Variants in A2ML1 observed in about 807,000 individuals in gnomAD.
The protein encoded by A2ML1 is alpha-2-macroglobulin-like protein 1.
Under a neutral mutation model 181.9 loss-of-function variants are expected in A2ML1, and 161 were observed. That is an observed-to-expected ratio of 0.89 (90% CI 0.78 to 1.01). The LOEUF (loss-of-function observed/expected upper bound fraction) is 1.01, where lower values mean the gene tolerates loss of function less well. Among genes scored for constraint, A2ML1 ranks in the 50% least tolerant of loss-of-function variants. The pLI is 0.00. For synonymous variants in A2ML1, 663 were observed against 666.8 expected (o/e 0.99, Z 0.09); for missense variants, 1,670 against 1,768.1 (o/e 0.94, Z 1.00).
intron 10 of A2ML1, among the ~76,000 whole-genome samples, chr12:8,841,017 A>AG (rs1434161298): frequency 7.1e-5 from 1 of 14,040 alleles, no homozygotes; most frequent in Non-Finnish European, 3.1e-4. Flanking sequence ...GAAGGACGGA[A>AG]GGAAGGAAGG....
At chr12:8,866,724 A>G (rs985048340) in intron 29 of A2ML1, among the ~76,000 whole-genome samples, 9 of 152,252 alleles carry the variant, frequency 5.9e-5, no homozygotes, top group South Asian at 2.1e-4. Context: ...GAAGCTGCAC[A>G]GATAGAACTT....
rs375930372 is a variant in A2ML1, at chr12:8,858,142, C to T, written c.3264+40C>T. 64 of 1,597,918 alleles carry T rather than the reference C, an allele frequency of 4.0e-5. 1 individual carries two copies. The highest frequency in any genetic ancestry group is 5.0e-5 in the Non-Finnish European group (58 of 1,171,130). On this transcript the variant is annotated intron_variant, in intron 26 of 35. Coordinates refer to ENST00000299698, the MANE Select transcript of A2ML1 (RefSeq NM_144670.6). ...AGGAGCCTGCAGCCAACCACTGTCT[C>T]GAAGGACCCCACACCTCTGACCGAG...
intron 3 of A2ML1, among the ~76,000 whole-genome samples, chr12:8,825,897 A>C (rs1472958077): frequency 2.0e-5 from 3 of 152,060 alleles, no homozygotes; most frequent in African/African-American, 7.2e-5. Flanking sequence ...GTCAAAAATG[A>C]GTTCACCCTA....
rs530549607 is a variant in A2ML1 at position 8,857,885 on chromosome 12, A to G, written c.3108-61A>G. 2.3e-5 allele frequency: 37 copies of G among 1,584,380 alleles called. 1 individual carries two copies. In the African/African-American group the frequency reaches 3.2e-4, roughly 14 times the overall value. On this transcript the variant is annotated intron_variant, in intron 25 of 35. Coordinates refer to ENST00000299698, the MANE Select transcript of A2ML1 (RefSeq NM_144670.6). ...AGTATACACCCAAATAAATGAAGAA[A>G]TGATTGCACCCTCACCTGGAAATTC...
intron 28 of A2ML1, among the ~76,000 whole-genome samples, chr12:8,863,471 C>G (rs2136941649): frequency 6.6e-6 from 1 of 152,080 alleles, no homozygotes; most frequent in East Asian, 1.9e-4. Flanking sequence ...AAAAATTGCC[C>G]CCAAACACAG....
chr12:8,830,240 C>T (rs1943067684), intron 4 of A2ML1, among the ~76,000 whole-genome samples: 1 of 151,876 alleles, frequency 6.6e-6, no homozygotes, highest in Admixed American at 6.6e-5. Context: ...TTAGTAAAAA[C>T]AGGGTTACAT....
chr12:8,827,665 T>C (rs1165464010), intron 3 of A2ML1, among the ~76,000 whole-genome samples: 2 of 152,222 alleles, frequency 1.3e-5, no homozygotes, highest in Non-Finnish European at 2.9e-5. Flanking sequence ...TGGATGTTCA[T>C]TGGTGTCTGG....
chr12:8,841,055 A>G (rs979989676), intron 10 of A2ML1, among the ~76,000 whole-genome samples: 7 of 136,440 alleles, frequency 5.1e-5, no homozygotes, highest in Non-Finnish European at 1.1e-4. Context: ...AGAAAGCAAA[A>G]CAACGTGCAG....
chr12:8,833,729 A>G lies in A2ML1; in HGVS notation c.463-933A>G, dbSNP rs73036994. Among the ~76,000 whole-genome samples the G allele has an allele frequency of 6.1e-3, 924 of 151,962 alleles. 2 individuals carry two copies. The highest frequency in any genetic ancestry group is 8.1e-3 in the Non-Finnish European group (548 of 67,928). On this transcript the variant is annotated intron_variant, in intron 4 of 35. Coordinates refer to ENST00000299698, the MANE Select transcript of A2ML1 (RefSeq NM_144670.6). The stretch of plus-strand genomic sequence containing the variant: ...TGTTTGTTTGTTTTGTTTTGTTTTG[A>G]CTTTATGGAAATTTATAGCAATCTT...
At chr12:8,880,382 G>A (rs1944859279), downstream of A2ML1, 2 of 152,100 alleles carry the variant, frequency 1.3e-5, no homozygotes, top group South Asian at 4.1e-4. Flanking sequence ...AAGAGGTGGG[G>A]AGAAAGCACG....
intron 20 of A2ML1, 24 bp from the exon 21 acceptor site, chr12:8,854,104 G>C: frequency 6.4e-7 from 1 of 1,556,888 alleles, no homozygotes; most frequent in Non-Finnish European, 8.7e-7. Context: ...TAGGGCTAAT[G>C]GCTTCCCTTC....
At chr12:8,884,436 G>A (rs1304423101) in intron 7 of A2ML1, among the ~76,000 whole-genome samples, 2 of 151,718 alleles carry the variant, frequency 1.3e-5, no homozygotes, top group African/African-American at 4.8e-5. Context: ...ATCCTCCGTC[G>A]AGTAGACTCC....
Position 8,829,907 on chromosome 12 carries a change from T to C in A2ML1, c.462+128T>C. The stretch of plus-strand genomic sequence containing the variant: ...GCCCTCTGGGTTGGAGACTGCTGTG[T>C]GCGTGGGACTGGAAGTGCTGGGCGA... On this transcript the variant is annotated intron_variant, in intron 4 of 35. Transcript: ENST00000299698. 5.5e-6 allele frequency: 6 copies of C among 1,087,974 alleles called. No homozygotes were observed. The Admixed American group carries it at 6.5e-5, about 12-fold the overall frequency. 67.4% of individuals were successfully genotyped at this position (1,087,974 alleles called of 1,614,324 possible). A position where few individuals can be genotyped will look rare whatever the true frequency, so the allele number is the denominator to read the frequency against.
chr12:8,871,298 G>GT (rs1166243340), intron 33 of A2ML1, among the ~76,000 whole-genome samples: 1 of 152,128 alleles, frequency 6.6e-6, no homozygotes, highest in Non-Finnish European at 1.5e-5. Flanking sequence ...CAGGTGTTCA[G>GT]TGTGCACTCC....
chr12:8,884,538 C>T (rs28790310), intron 7 of A2ML1, among the ~76,000 whole-genome samples: 1 of 151,700 alleles, frequency 6.6e-6, no homozygotes, highest in Non-Finnish European at 1.5e-5. Flanking sequence ...TTTTCTTTTT[C>T]TTTTTTTTCT....
chr12:8,855,598 CA>C lies in A2ML1; in HGVS notation c.2848+7del. 1.9e-6 allele frequency: 3 copies of C among 1,613,882 alleles called. No homozygotes were observed. The Middle Eastern group carries it at 4.9e-4, about 266-fold the overall frequency. ...GGCTTATGTTACGGTTCTGGGTAAG[CA>C]GTTAGAGATTCTTGACTCAGAAAGG... On this transcript the variant is annotated splice_region_variant and intron_variant, in intron 23 of 35. Coordinates refer to ENST00000299698, the MANE Select transcript of A2ML1 (RefSeq NM_144670.6).
At chr12:8,858,167 G>A in intron 26 of A2ML1, 65 bp downstream of exon 26, 1 of 1,540,602 alleles carries the variant, frequency 6.5e-7, no homozygotes, top group Non-Finnish European at 8.8e-7. Flanking sequence ...CTCTGACCGA[G>A]TAGAAGCAAA....
At chr12:8,851,324 C>G (rs932944425) in intron 18 of A2ML1, among the ~76,000 whole-genome samples, 1 of 152,132 alleles carries the variant, frequency 6.6e-6, no homozygotes, top group African/African-American at 2.4e-5. Flanking sequence ...TGCAGCCTCA[C>G]TCACACTGAG....
chr12:8,872,485 A>C (rs1308501460), intron 33 of A2ML1, among the ~76,000 whole-genome samples: 1 of 151,828 alleles, frequency 6.6e-6, no homozygotes, highest in Non-Finnish European at 1.5e-5. Flanking sequence ...ATTTTTGTGA[A>C]AATAACTATT....
Sources: gnomAD v4.1 joint callset for allele counts (sites outside exome capture counted in the v4.1 genomes callset) on GRCh38, gnomAD v4.1.1 for gene constraint, MANE v1.5 for transcripts, NCBI Gene and HGNC (gene_info 2026-07-23, HGNC 2026-07-21) for gene names.